The following PNRC1 variants were observed in gnomAD, a reference collection of about 807,000 sequenced individuals.
PNRC1 encodes the protein proline rich nuclear receptor coactivator 1, also known as proline-rich nuclear receptor coactivator 1.
In PNRC1, 6 loss-of-function variants were observed where a neutral mutation model predicts 20.2. The observed-to-expected ratio is 0.30, with a 90% CI of 0.16 to 0.59. The LOEUF is 0.59. Among genes scored for constraint, PNRC1 ranks in the 20% least tolerant of loss-of-function variants. PNRC1 has a pLI of 0.89. For synonymous variants in PNRC1, 202 were observed against 186.9 expected, an observed-to-expected ratio of 1.08 and a Z score of -0.66; for missense variants, 488 against 430.2, an observed-to-expected ratio of 1.13 and a Z score of -1.19.
chr6:89,083,828 T>A lies in PNRC1; in HGVS notation c.616T>A (p.Tyr206Asn). ...HGQLVHGIHL[Y>N]EQPKINRQKS... ...CCAGCTTGTTCATGGTATACACTTG[T>A]ATGAGCAACCAAAGATAAACAGACA... The change falls in exon 2 of 2, where the codon TAT becomes AAT. Residue 206 changes from tyrosine (Y) to asparagine (N), a missense_variant. Tyr to Asn is a moderately radical substitution (Grantham distance 143). Transcript: ENST00000336032. The A allele has an allele frequency of 1.2e-6, 2 of 1,614,038 alleles. No individual in the cohort carries two copies. Among genetic ancestry groups the A allele is most frequent in the South Asian group, 2.2e-5 (2 of 91,038 alleles).
rs1768064133 is a variant in PNRC1 at position 89,084,174 on chromosome 6, C to T, written c.962C>T (p.Thr321Met). 6.3e-7 allele frequency: 1 copy of T among 1,586,236 alleles called. No homozygotes were observed. Among genetic ancestry groups the T allele is most frequent in the South Asian group, 1.2e-5 (1 of 86,156 alleles). Residue 321 changes from threonine (T) to methionine (M), a missense_variant, in exon 2 of 2, where the codon ACG (threonine) becomes ATG (methionine). Transcript: ENST00000336032. ...GAGCTGATGGCAGTACACTTAAAAA[C>T]GCTCCTCAAAGTTCAAACTTAGATT... ...NRELMAVHLK[T>M]LLKVQT
chr6:89,081,323 GGCC>G lies in PNRC1; in HGVS notation c.436_438del (p.Ala146del). 1 of 1,464,996 alleles carries G rather than the reference GGCC, an allele frequency of 6.8e-7. No individual in the cohort carries two copies. Among genetic ancestry groups the G allele is most frequent in the Non-Finnish European group, 8.9e-7 (1 of 1,119,582 alleles). The allele number at this position is 1,464,996 out of a possible 1,614,324, so 90.7% of individuals were successfully genotyped here. A position where few individuals can be genotyped will look rare whatever the true frequency, so the allele number is the denominator to read the frequency against. On this transcript the variant is annotated inframe_deletion, in exon 1 of 2. Coordinates refer to ENST00000336032, the MANE Select transcript of PNRC1 (RefSeq NM_006813.3). ...GCGGAGCGCAGGAGGTCCCGGGCCCGGCCGCCGCCTTGGCCCCGAGTCCTGCAG... is the reference window on the plus strand; with the variant it reads ...GCGGAGCGCAGGAGGTCCCGGGCCCGGCCGCCTTGGCCCCGAGTCCTGCAG...
rs756001020 is a variant in PNRC1 at position 89,084,041 on chromosome 6, G to A, written c.829G>A (p.Glu277Lys). The A allele has an allele frequency of 1.9e-6, 3 of 1,614,122 alleles. No homozygotes were observed. Among genetic ancestry groups the A allele is most frequent in the East Asian group, 2.2e-5 (1 of 44,876 alleles). ...ATTTCTAACTGAAGTGAGCCAAAAG[G>A]AAAATTATGCTGGGGCAAAGTTTAG... Reference protein sequence around the residue: ...SAFLTEVSQKENYAGAKFSDP... With the variant: ...SAFLTEVSQKKNYAGAKFSDP... The change falls in exon 2 of 2, where the codon GAA becomes AAA. Residue 277 changes from glutamate to lysine, a missense_variant. Transcript: ENST00000336032.
rs763530301 is a variant in PNRC1, at chr6:89,081,136, G to A, written c.242G>A (p.Arg81His). 4 of 1,605,428 alleles carry A rather than the reference G, an allele frequency of 2.5e-6. No individual in the cohort carries two copies. Among genetic ancestry groups the A allele is most frequent in the Non-Finnish European group, 3.4e-6 (4 of 1,179,192 alleles). Residue 81 changes from arginine (R) to histidine (H), a missense_variant, in exon 1 of 2, where the codon CGC becomes CAC. Physicochemically the swap from Arg to His is conservative, Grantham distance 29 (BLOSUM62 0). Coordinates refer to ENST00000336032, the MANE Select transcript of PNRC1 (RefSeq NM_006813.3). The part of the protein sequence containing the change: ...QPRAPAALPN[R>H]SLAVAGGTPR... The stretch of plus-strand genomic sequence containing the variant: ...CGCGCTCCAGCAGCTCTGCCCAACC[G>A]CAGCCTCGCCGTGGCGGGAGGCACT...
chr6:89,080,853 C>T lies in PNRC1; in HGVS notation c.-42C>T. The stretch of plus-strand genomic sequence containing the variant: ...TATCTTCACTGGCTTCATTCACCTT[C>T]TCCTTCTCTCTTCGTTGCTGAGCGA... On this transcript the variant is annotated 5_prime_UTR_variant, in exon 1 of 2. Transcript: ENST00000336032. The T allele has an allele frequency of 6.3e-7, 1 of 1,591,142 alleles. No individual in the cohort carries two copies. The highest frequency in any genetic ancestry group is 8.6e-7 in the Non-Finnish European group (1 of 1,168,874).
In PNRC1 at chr6:89,084,272, T is replaced by C. The variant is rs1768067157; in HGVS notation, c.*76T>C. 2.0e-6 allele frequency: 2 copies of C among 1,012,560 alleles called. No homozygotes were observed. Among genetic ancestry groups the C allele is most frequent in the East Asian group, 2.6e-5 (1 of 39,140 alleles). The allele number at this position is 1,012,560 out of a possible 1,614,324, so 62.7% of individuals were successfully genotyped here. A position where few individuals can be genotyped will look rare whatever the true frequency, so the allele number is the denominator to read the frequency against. ...ACTCTTGAGAAAATTGGTACAGAAA[T>C]GGAAATTTGCCTTGTTGCAACATAC... On this transcript the variant is annotated 3_prime_UTR_variant, in exon 2 of 2. Transcript: ENST00000336032.
At chr6:89,081,647 T>G (rs1187662860) in intron 1 of PNRC1, among the ~76,000 whole-genome samples, 1 of 151,422 alleles carries the variant, frequency 6.6e-6, no homozygotes, top group East Asian at 2.0e-4. Flanking sequence ...CGCTTCTGAT[T>G]GGCTCCCAGG....
At chr6:89,081,806 C>A (rs1167127904) in intron 1 of PNRC1, 14 of 158,058 alleles carry the variant, frequency 8.9e-5, no homozygotes, top group Admixed American at 8.4e-4. Context: ...GCGCGCGCTA[C>A]GTGCCCGGCG....
Position 89,083,035 on chromosome 6 carries a change from C to T in PNRC1, c.541-718C>T, listed in dbSNP as rs529316903. 2.0e-5 allele frequency among the ~76,000 whole-genome samples: 3 copies of T among 150,666 alleles called. No homozygotes were observed. In the South Asian group the frequency reaches 6.3e-4, roughly 31 times the overall value. ...TTTTTTCTTGAGACAGAGTCTGCCT[C>T]TATCGCACTCCAGGCTGGAATGCAG... On this transcript the variant is annotated intron_variant, in intron 1 of 1. Coordinates refer to ENST00000336032, the MANE Select transcript of PNRC1 (RefSeq NM_006813.3).
In PNRC1 at chr6:89,084,036, A is replaced by G. The variant is rs1326250700; in HGVS notation, c.824A>G (p.Gln275Arg). ...TCAGCATTTCTAACTGAAGTGAGCCAAAAGGAAAATTATGCTGGGGCAAAG... is the reference window on the plus strand; with the variant it reads ...TCAGCATTTCTAACTGAAGTGAGCCGAAAGGAAAATTATGCTGGGGCAAAG... ...KKSAFLTEVS[Q>R]KENYAGAKFS... The change falls in exon 2 of 2, where the codon CAA becomes CGA. Residue 275 changes from glutamine (Q) to arginine (R), a missense_variant. Physicochemically the swap from Gln to Arg is conservative, Grantham distance 43. Coordinates refer to ENST00000336032, the MANE Select transcript of PNRC1 (RefSeq NM_006813.3). 6 of 1,614,070 alleles carry G rather than the reference A, an allele frequency of 3.7e-6. No individual in the cohort carries two copies. Among genetic ancestry groups the G allele is most frequent in the South Asian group, 1.1e-5 (1 of 91,082 alleles).
chr6:89,081,486 C>G, intron 1 of PNRC1, 52 bp downstream of exon 1: 3 of 867,796 alleles, frequency 3.5e-6, no homozygotes, highest in Non-Finnish European at 4.1e-6. Flanking sequence ...CGGTCGCGGC[C>G]GAGCTCTGGG....
Position 89,084,376 on chromosome 6 carries a change from T to C in PNRC1, c.*180T>C, listed in dbSNP as rs1768070478. On this transcript the variant is annotated 3_prime_UTR_variant, in exon 2 of 2. Coordinates refer to ENST00000336032, the MANE Select transcript of PNRC1 (RefSeq NM_006813.3). Reference sequence around the variant, plus strand: ...TATATTTTGTAAATACTGTATACCATGTATTATGTGTATATTGTTCATACT... The same window carrying C: ...TATATTTTGTAAATACTGTATACCACGTATTATGTGTATATTGTTCATACT... 2 of 538,066 alleles carry C rather than the reference T, an allele frequency of 3.7e-6. No individual in the cohort carries two copies. The highest frequency in any genetic ancestry group is 3.7e-5 in the Admixed American group (1 of 27,156). 33.3% of individuals were successfully genotyped at this position (538,066 alleles called of 1,614,324 possible). A position where few individuals can be genotyped will look rare whatever the true frequency, so the allele number is the denominator to read the frequency against.
chr6:89,080,920 G>A lies in PNRC1; in HGVS notation c.26G>A (p.Arg9Gln), dbSNP rs1461423325. The A allele has an allele frequency of 1.2e-6, 2 of 1,612,422 alleles. No individual in the cohort carries two copies. Among genetic ancestry groups the A allele is most frequent in the South Asian group, 1.1e-5 (1 of 91,088 alleles). The change falls in exon 1 of 2, where the codon CGG becomes CAG. Residue 9 changes from arginine (R) to glutamine (Q), a missense_variant. By Grantham distance (43) the Arg-to-Gln change is conservative. Coordinates refer to ENST00000336032, the MANE Select transcript of PNRC1 (RefSeq NM_006813.3). MTVVSVPQ[R>Q]EPLVLGGRLA... ...ATGACTGTCGTCTCCGTCCCGCAGCGGGAGCCGCTCGTCCTGGGTGGCCGC... is the reference window on the plus strand; with the variant it reads ...ATGACTGTCGTCTCCGTCCCGCAGCAGGAGCCGCTCGTCCTGGGTGGCCGC...
chr6:89,082,467 C>G (rs918135085), intron 1 of PNRC1: 3 of 152,214 alleles, frequency 2.0e-5, no homozygotes, highest in Admixed American at 6.5e-5. Flanking sequence ...TCAATGTCTC[C>G]CTTTTAAAAT....
At chr6:89,082,544 A>G (rs190442483) in intron 1 of PNRC1, 2 of 152,350 alleles carry the variant, frequency 1.3e-5, no homozygotes, top group East Asian at 3.9e-4. Context: ...CCTGTTTTCT[A>G]GAACAGGTAC....
intron 1 of PNRC1, among the ~76,000 whole-genome samples, 171 bp downstream of exon 1, chr6:89,081,605 G>A (rs1482907563): frequency 6.6e-6 from 1 of 152,028 alleles, no homozygotes; most frequent in Non-Finnish European, 1.5e-5. Context: ...CTTGCTTTGG[G>A]GGAAGAAGGG....
chr6:89,083,003 TTG>T (rs1768035589), intron 1 of PNRC1, among the ~76,000 whole-genome samples: 1 of 57,962 alleles, frequency 1.7e-5, no homozygotes, highest in African/African-American at 4.7e-5. Context: ...AAGTTTTTTG[TTG>T]TTTTTTTTTT....
chr6:89,080,902 T>C lies in PNRC1; in HGVS notation c.8T>C (p.Val3Ala), dbSNP rs1767965049. Reference protein sequence around the residue: MTVVSVPQREPLV... With the variant: MTAVSVPQREPLV... ...GACAAGCTTCCTAGCGCTATGACTG[T>C]CGTCTCCGTCCCGCAGCGGGAGCCG... The change falls in exon 1 of 2, where the codon GTC (valine) becomes GCC (alanine). Residue 3 changes from valine to alanine, a missense_variant. By Grantham distance (64) the Val-to-Ala change is moderately conservative (BLOSUM62 0). Coordinates refer to ENST00000336032, the MANE Select transcript of PNRC1 (RefSeq NM_006813.3). The C allele has an allele frequency of 1.2e-6, 2 of 1,611,168 alleles. No homozygotes were observed. Among genetic ancestry groups the C allele is most frequent in the Non-Finnish European group, 1.7e-6 (2 of 1,179,974 alleles).
chr6:89,083,663 TAAAC>T (rs1363045314), intron 1 of PNRC1, 86 bp from the exon 2 acceptor site: 2 of 1,013,104 alleles, frequency 2.0e-6, no homozygotes, highest in African/African-American at 3.3e-5. Flanking sequence ...TGGGCAAACT[TAAAC>T]ACAACAAAAC....
Sources: allele counts gnomAD v4.1 joint callset (sites outside exome capture counted in the v4.1 genomes callset), GRCh38; gene constraint gnomAD v4.1.1; transcripts MANE v1.5; gene names NCBI Gene and HGNC (gene_info 2026-07-23, HGNC 2026-07-21).